TRAK1: variants seen among roughly 807,000 people sequenced by gnomAD.
TRAK1 encodes the protein trafficking kinesin protein 1, also known as trafficking kinesin-binding protein 1.
Under a neutral mutation model 92.1 loss-of-function variants are expected in TRAK1, and 33 were observed. The observed-to-expected ratio is 0.36, with a 90% confidence interval of 0.27 to 0.48. The LOEUF is 0.48. Ranked by LOEUF, TRAK1 falls within the 20% of genes least tolerant of loss-of-function variation. TRAK1 has a pLI of 0.99. For missense variants in TRAK1, 1,123 were observed against 1,257.9 expected, an observed-to-expected ratio of 0.89 and a Z score of 1.62; for synonymous variants, 521 against 517.3, an observed-to-expected ratio of 1.01 and a Z score of -0.10.
chr3:42,079,441 C>A (rs1704317055), intron 1 of TRAK1, among the ~76,000 whole-genome samples: 1 of 149,272 alleles, frequency 6.7e-6, no homozygotes, highest in Non-Finnish European at 1.5e-5. Context: ...TTTCTCCTTA[C>A]AATCTCTGAG....
intron 10 of TRAK1, among the ~76,000 whole-genome samples, chr3:42,196,767 C>T (rs1312629239): frequency 1.3e-5 from 2 of 150,568 alleles, no homozygotes; most frequent in Non-Finnish European, 3.0e-5. Context: ...AAGCTGGTCT[C>T]GAATTCCTTA....
chr3:42,087,911 T>A (rs1239596434), upstream of TRAK1, among the ~76,000 whole-genome samples: 2 of 152,214 alleles, frequency 1.3e-5, no homozygotes, highest in Non-Finnish European at 2.9e-5. Context: ...ACTCTCAGTG[T>A]CCCAGGTGGT....
intron 14 of TRAK1, chr3:42,210,195 T>A (rs1262550704): frequency 6.4e-7 from 1 of 1,567,362 alleles, no homozygotes. Context: ...CATTCTCACC[T>A]CTGTTCCAGG....
intron 2 of TRAK1, among the ~76,000 whole-genome samples, chr3:42,127,508 T>C (rs1388501946): frequency 6.6e-6 from 1 of 152,010 alleles, no homozygotes; most frequent in African/African-American, 2.4e-5. Flanking sequence ...ATGTACCACG[T>C]ACCACCACGC....
rs60486367 is a variant in TRAK1 at position 42,210,814 on chromosome 3, A to G, written c.1963+829A>G. On this transcript the variant is annotated intron_variant, in intron 14 of 15. Transcript: ENST00000327628. ...AGCTTTTCCAGAGAGAAGACCCTAG[A>G]TGAAGTTGGAAAAGAGCTCTGGCTG... is the stretch of plus-strand genomic sequence containing the variant. The G allele has an allele frequency of 2.4e-3, 2,332 of 985,446 alleles. 48 individuals are homozygous for G. In the African/African-American group the frequency reaches 0.039, roughly 16 times the overall value. The allele number at this position is 985,446 out of a possible 1,614,324, so 61.0% of individuals were successfully genotyped here.
upstream of TRAK1, among the ~76,000 whole-genome samples, chr3:42,089,139 G>A (rs1250418628): frequency 6.6e-6 from 1 of 152,142 alleles, no homozygotes; most frequent in Non-Finnish European, 1.5e-5. Context: ...CTTGTAAATG[G>A]TGCTTTCATT....
At chr3:42,105,402 T>C (rs922482850) in intron 1 of TRAK1, among the ~76,000 whole-genome samples, 6 of 152,094 alleles carry the variant, frequency 3.9e-5, no homozygotes, top group East Asian at 1.9e-4. Flanking sequence ...TTTGATCAAC[T>C]GGAAGAAAGG....
chr3:42,156,861 C>T (rs573154910), intron 2 of TRAK1, among the ~76,000 whole-genome samples: 17 of 152,146 alleles, frequency 1.1e-4, no homozygotes, highest in Non-Finnish European at 2.1e-4. Flanking sequence ...TAAAAATTAC[C>T]GATGGGGGCC....
chr3:42,216,367 C>T (rs1045464042), intron 14 of TRAK1, among the ~76,000 whole-genome samples: 8 of 152,194 alleles, frequency 5.3e-5, no homozygotes, highest in Non-Finnish European at 1.5e-5. Flanking sequence ...CAGTCCCAGG[C>T]ATCATGGGCC....
Position 42,217,818 on chromosome 3 carries a change from C to T in TRAK1, c.1964-1676C>T, listed in dbSNP as rs561493987. ...CTAGACCTTATTGCGGGAAGAGAAT[C>T]GTGATTGTTTGGTTGCCTTCTCTTC... On this transcript the variant is annotated intron_variant, in intron 14 of 15. Coordinates refer to ENST00000327628, the MANE Select transcript of TRAK1 (RefSeq NM_001042646.3). 16 of 985,256 alleles carry T rather than the reference C, an allele frequency of 1.6e-5. No homozygotes were observed. The East Asian group carries it at 1.0e-3, about 63-fold the overall frequency. The allele number at this position is 985,256 out of a possible 1,614,324, so 61.0% of individuals were successfully genotyped here.
chr3:42,119,314 G>T, intron 1 of TRAK1, among the ~76,000 whole-genome samples: 1 of 152,190 alleles, frequency 6.6e-6, no homozygotes, highest in East Asian at 1.9e-4. Flanking sequence ...TTGCTAGGCA[G>T]TGAAGGGCAT....
intron 1 of TRAK1, among the ~76,000 whole-genome samples, chr3:42,072,208 TGTCCTGTG>T (rs952859858): frequency 1.3e-5 from 2 of 151,896 alleles, no homozygotes; most frequent in Non-Finnish European, 2.9e-5. Flanking sequence ...TGCAGAGCAA[TGTCCTGTG>T]GTCACCATTC....
At position 42,125,503 on chromosome 3, in the gene TRAK1, G is replaced by A. The variant is rs201653558; in HGVS notation, c.175G>A (p.Asp59Asn). 6.5e-4 allele frequency: 1,049 copies of A among 1,614,184 alleles called. 3 individuals are homozygous for A. The highest frequency in any genetic ancestry group is 5.2e-4 in the Non-Finnish European group (612 of 1,180,040). Residue 59 changes from aspartate (D) to asparagine (N), a missense_variant, in exon 2 of 16, where the codon GAC (aspartate) becomes AAC (asparagine). Asp to Asn is a conservative substitution (Grantham distance 23). This residue lies in a region of TRAK1 where 686 missense variants were observed against 747.6 expected (regional missense o/e 0.92). Transcript: ENST00000327628. ...EQLPHYKLRADTIYGYDHDDW... is the reference protein window; with the variant it reads ...EQLPHYKLRANTIYGYDHDDW... Reference sequence around the variant, plus strand: ...GCTGCCCCATTATAAGTTAAGAGCCGACACCATCTACGGTTATGACCACGA... The same window carrying A: ...GCTGCCCCATTATAAGTTAAGAGCCAACACCATCTACGGTTATGACCACGA...
At chr3:42,050,907 G>T (rs915675198) in intron 1 of TRAK1, among the ~76,000 whole-genome samples, 1 of 152,118 alleles carries the variant, frequency 6.6e-6, no homozygotes, top group Non-Finnish European at 1.5e-5. Context: ...TTCCTTTATG[G>T]TCACTTTGGT....
intron 1 of TRAK1, among the ~76,000 whole-genome samples, chr3:42,118,241 C>T (rs1285520768): frequency 2.0e-5 from 3 of 151,956 alleles, no homozygotes; most frequent in Non-Finnish European, 2.9e-5. Context: ...TCCACCATCA[C>T]GCCCATCTAA....
intron 1 of TRAK1, among the ~76,000 whole-genome samples, chr3:42,122,463 TA>T (rs1246626884): frequency 6.6e-5 from 10 of 152,218 alleles, no homozygotes; most frequent in Admixed American, 2.0e-4. Flanking sequence ...CTGCCTGTTC[TA>T]CTAGGGATAG....
chr3:42,210,888 GA>G (rs1241690715), intron 14 of TRAK1: 1 of 985,168 alleles, frequency 1.0e-6, no homozygotes, highest in Non-Finnish European at 1.2e-6. Flanking sequence ...TGAGTTTACA[GA>G]ATTACCCACA....
intron 1 of TRAK1, among the ~76,000 whole-genome samples, chr3:42,046,010 T>A (rs1225401758): frequency 6.6e-6 from 1 of 152,208 alleles, no homozygotes; most frequent in African/African-American, 2.4e-5. Context: ...GCTTTTTGCT[T>A]ATGTGGACTT....
At chr3:42,180,697 A>G (rs898956717) in intron 3 of TRAK1, among the ~76,000 whole-genome samples, 7 of 149,060 alleles carry the variant, frequency 4.7e-5, no homozygotes, top group East Asian at 4.0e-4. Flanking sequence ...AAAAAAAAAG[A>G]AAAAGGAAAA....
Sources: gnomAD v4.1 joint callset for allele counts (sites outside exome capture counted in the v4.1 genomes callset) on GRCh38, gnomAD v4.1.1 for gene constraint, gnomAD v4.1.1 regional missense constraint, MANE v1.5 for transcripts, NCBI Gene and HGNC (gene_info 2026-07-23, HGNC 2026-07-21) for gene names.